The following TRPV4 variants were observed in gnomAD, a reference collection of about 807,000 sequenced individuals.
TRPV4 encodes OSM9-like transient receptor potential channel 4.
A neutral mutation model predicts 84.1 loss-of-function variants in TRPV4; 58 were observed. The observed-to-expected ratio is 0.69, with a 90% CI of 0.56 to 0.86. The LOEUF (loss-of-function observed/expected upper bound fraction) is 0.86. TRPV4 is among the 40% of genes least tolerant of loss of function. The pLI, the probability that TRPV4 is intolerant of heterozygous loss-of-function variation, is 0.00. For missense variants in TRPV4, 879 were observed against 1,181.1 expected (o/e 0.74, Z 3.75); for synonymous variants, 489 against 500.9 (o/e 0.98, Z 0.32).
rs1241029195 is a variant in TRPV4 at position 109,792,788 on chromosome 12, G to A, written c.1688C>T (p.Ser563Leu). 1 of 1,613,994 alleles carries A rather than the reference G, an allele frequency of 6.2e-7. No homozygotes were observed. Among genetic ancestry groups the A allele is most frequent in the Admixed American group, 1.7e-5 (1 of 60,020 alleles). ...YFIYSVLVIV[S>L]AALYLAGIEA... ...GATCCCTGCCAGGTAGAGGGCTGCT[G>A]AGACGATCACCAGGACAGAGTAGAT... Residue 563 changes from serine to leucine, a missense_variant, in exon 11 of 16, where the codon TCA becomes TTA. This residue lies in a region of TRPV4 where 521 missense variants were observed against 686.6 expected (regional missense o/e 0.76). Coordinates refer to ENST00000261740, the MANE Select transcript of TRPV4 (RefSeq NM_021625.5).
Position 109,815,217 on chromosome 12 carries a change from G to C in TRPV4, c.-31-390C>G, listed in dbSNP as rs906742290. On this transcript the variant is annotated intron_variant, in intron 1 of 15. Transcript: ENST00000261740. The surrounding 1 kb of genome is among the most constrained non-coding windows in gnomAD (Gnocchi z 4.1). ...CCACACTTAGTCATTCCATGACATT[G>C]AGCAAGTCGACATTTCATAGCCTCA... Among the ~76,000 whole-genome samples, 6 of 152,246 alleles carry C rather than the reference G, an allele frequency of 3.9e-5. No homozygotes were observed. Among genetic ancestry groups the C allele is most frequent in the African/African-American group, 1.4e-4 (6 of 41,462 alleles).
rs141994368 is a variant in TRPV4 at position 109,812,694 on chromosome 12, A to T, written c.386+1717T>A. On this transcript the variant is annotated intron_variant, in intron 2 of 15. Transcript: ENST00000261740. ...GGCAGGTGAGCAATCAAGCATGAGA[A>T]ATGGAATGAATGAATGAATAAATGA... Among the ~76,000 whole-genome samples the T allele has an allele frequency of 1.6e-3, 242 of 152,350 alleles. 1 individual carries two copies. The highest frequency in any genetic ancestry group is 2.8e-3 in the Non-Finnish European group (188 of 68,034).
intron 2 of TRPV4, among the ~76,000 whole-genome samples, chr12:109,812,053 G>A (rs1891553201): frequency 6.6e-6 from 1 of 152,176 alleles, no homozygotes; most frequent in South Asian, 2.1e-4. Context: ...GGAAGTCCCT[G>A]GGCTTCCTAA....
In TRPV4 at chr12:109,786,052, G is replaced by A. The variant is rs563596360; in HGVS notation, c.2336+658C>T. On this transcript the variant is annotated intron_variant, in intron 14 of 15. Coordinates refer to ENST00000261740, the MANE Select transcript of TRPV4 (RefSeq NM_021625.5). This position sits in a 1 kb window ranked among gnomAD's most constrained non-coding sequence, Gnocchi z 4.5. ...GAACTGATCGGATGGCCTAGGAGGT[G>A]GGTTCTATTATTGTTCCCATTTCAC... Among the ~76,000 whole-genome samples, 6 of 152,128 alleles carry A rather than the reference G, an allele frequency of 3.9e-5. No homozygotes were observed. The South Asian group carries it at 1.2e-3, about 32-fold the overall frequency.
rs763687579 is a variant in TRPV4 at position 109,800,681 on chromosome 12, C to T, written c.790G>A (p.Val264Ile). The T allele has an allele frequency of 1.9e-6, 3 of 1,614,192 alleles. No individual in the cohort carries two copies. Among genetic ancestry groups the T allele is most frequent in the South Asian group, 2.2e-5 (2 of 91,088 alleles). ...VELLVAQGAD[V>I]HAQARGRFFQ... ...AAGCGCCCACGGGCCTGGGCGTGGACATCAGCTCCCTGGGCCACGAGAAGT... is the reference window on the plus strand; with the variant it reads ...AAGCGCCCACGGGCCTGGGCGTGGATATCAGCTCCCTGGGCCACGAGAAGT... Residue 264 changes from valine to isoleucine, a missense_variant, in exon 5 of 16, where the codon GTC (valine) becomes ATC (isoleucine). Coordinates refer to ENST00000261740, the MANE Select transcript of TRPV4 (RefSeq NM_021625.5).
At chr12:109,819,297 T>C (rs1232013651) in intron 1 of TRPV4, among the ~76,000 whole-genome samples, 1 of 152,162 alleles carries the variant, frequency 6.6e-6, no homozygotes, top group African/African-American at 2.4e-5. Flanking sequence ...TGAGTCCACA[T>C]GTGTCTCCTC....
rs1891710415 is a variant in TRPV4, at chr12:109,814,185, G to A, written c.386+226C>T. Among the ~76,000 whole-genome samples, 1 of 151,756 alleles carries A rather than the reference G, an allele frequency of 6.6e-6. No individual in the cohort carries two copies. The highest frequency in any genetic ancestry group is 2.4e-5 in the African/African-American group (1 of 41,266). On this transcript the variant is annotated intron_variant, in intron 2 of 15. Transcript: ENST00000261740. The surrounding 1 kb of genome is among the most constrained non-coding windows in gnomAD (Gnocchi z 5.4). Reference sequence around the variant, plus strand: ...GGATTGATGGATAGATGTGTGGATGGTTGGATGGATGGACGAATAGATGGG... The same window carrying A: ...GGATTGATGGATAGATGTGTGGATGATTGGATGGATGGACGAATAGATGGG...
chr12:109,796,449 C>A lies in TRPV4; in HGVS notation c.1332+76G>T. 1 of 1,569,832 alleles carries A rather than the reference C, an allele frequency of 6.4e-7. No individual in the cohort carries two copies. Among genetic ancestry groups the A allele is most frequent in the South Asian group, 1.1e-5 (1 of 88,352 alleles). ...AGAGGCTGGGGCTGTCTCCCCCAGC[C>A]CAGCCCCAGGGCCCTGTCCCTACTC... On this transcript the variant is annotated intron_variant, in intron 7 of 15. Transcript: ENST00000261740. This position sits in a 1 kb window ranked among gnomAD's most constrained non-coding sequence, Gnocchi z 4.2.
At chr12:109,800,463 G>A (rs1292988059) in intron 5 of TRPV4, among the ~76,000 whole-genome samples, 155 bp downstream of exon 5, 1 of 152,154 alleles carries the variant, frequency 6.6e-6, no homozygotes, top group Non-Finnish European at 1.5e-5. Context: ...CAAGACCAAC[G>A]TGCAGCCTGT....
intron 1 of TRPV4, among the ~76,000 whole-genome samples, chr12:109,833,032 AGGCTCCG>A (rs907645550): frequency 2.0e-5 from 3 of 152,072 alleles, no homozygotes; most frequent in African/African-American, 7.2e-5. Flanking sequence ...GTGGGCTGCA[AGGCTCCG>A]GGCCTTTGGT....
At chr12:109,804,316 G>A (rs1890989492) in intron 3 of TRPV4, among the ~76,000 whole-genome samples, 1 of 152,124 alleles carries the variant, frequency 6.6e-6, no homozygotes. Context: ...AATCAGCCAG[G>A]GGCTCAGGAA....
chr12:109,814,298 T>G lies in TRPV4; in HGVS notation c.386+113A>C. On this transcript the variant is annotated intron_variant, in intron 2 of 15. Coordinates refer to ENST00000261740, the MANE Select transcript of TRPV4 (RefSeq NM_021625.5). The surrounding 1 kb of genome is among the most constrained non-coding windows in gnomAD (Gnocchi z 5.4). ...ATGTATGGATGGTTGGATGGACAGATGGATGGATGGATGAATCGACGGATG... is the reference window on the plus strand; with the variant it reads ...ATGTATGGATGGTTGGATGGACAGAGGGATGGATGGATGAATCGACGGATG... The G allele has an allele frequency of 1.7e-6, 2 of 1,196,458 alleles. No individual in the cohort carries two copies. The highest frequency in any genetic ancestry group is 5.1e-5 in the East Asian group (2 of 39,246). The allele number at this position is 1,196,458 out of a possible 1,614,324, so 74.1% of individuals were successfully genotyped here.
chr12:109,799,465 G>T (rs929795949), intron 5 of TRPV4, among the ~76,000 whole-genome samples: 1 of 152,128 alleles, frequency 6.6e-6, no homozygotes, highest in African/African-American at 2.4e-5. Context: ...GGAATTCTTT[G>T]TGTGACTTTG....
chr12:109,813,166 CT>C (rs770867634), intron 2 of TRPV4, among the ~76,000 whole-genome samples: 41 of 152,182 alleles, frequency 2.7e-4, no homozygotes, highest in Non-Finnish European at 4.4e-5. Context: ...AATCCCAGCA[CT>C]TTGGGAGGCC....
chr12:109,828,853 C>G (rs1322666628), intron 1 of TRPV4, among the ~76,000 whole-genome samples: 1 of 152,082 alleles, frequency 6.6e-6, no homozygotes, highest in African/African-American at 2.4e-5. Context: ...TGGGGCTCAG[C>G]ATTCCTGCCC....
Position 109,794,338 on chromosome 12 carries a change from C to T in TRPV4, c.1482G>A (p.Leu494=), listed in dbSNP as rs143722984. ...GTCCCCGGGCACTCACTGTGCCCTC[C>T]AGCGGCTGGTAGTAGGCGGTGAGAG... ...IFTLTAYYQP[L]EGTPPYPYRT... The change falls in exon 8 of 16, where the codon CTG becomes CTA. Residue 494 remains leucine, a synonymous_variant. Coordinates refer to ENST00000261740, the MANE Select transcript of TRPV4 (RefSeq NM_021625.5). The T allele has an allele frequency of 2.5e-6, 4 of 1,612,050 alleles. No individual in the cohort carries two copies. The highest frequency in any genetic ancestry group is 3.4e-6 in the Non-Finnish European group (4 of 1,180,032).
chr12:109,783,729 C>A lies in TRPV4; in HGVS notation c.2508G>T (p.Ser836=), dbSNP rs201884175. 6.8e-6 allele frequency: 11 copies of A among 1,613,548 alleles called. No homozygotes were observed. Among genetic ancestry groups the A allele is most frequent in the South Asian group, 2.2e-5 (2 of 91,070 alleles). The change falls in exon 16 of 16, where the codon TCG becomes TCT. Residue 836 remains serine (S), a synonymous_variant. Transcript: ENST00000261740. This position sits in a 1 kb window ranked among gnomAD's most constrained non-coding sequence, Gnocchi z 4.6. ...GAGGCACCACCACCTCGTCCGGGTT[C>A]GAGTTCTTGTTCAGTTCCACCACGC... The part of the protein sequence containing the change: ...VPRVVELNKN[S]NPDEVVVPLD...
intron 2 of TRPV4, among the ~76,000 whole-genome samples, chr12:109,811,788 C>T (rs968970541): frequency 6.6e-6 from 1 of 151,846 alleles, no homozygotes; most frequent in African/African-American, 2.4e-5. Context: ...GAATCTGTGG[C>T]CAGCAGGGGG....
rs147773567 is a variant in TRPV4 at position 109,809,168 on chromosome 12, A to T, written c.387-700T>A. The stretch of plus-strand genomic sequence containing the variant: ...TTCATCACTCATCCATCCATCACTC[A>T]TCCATCCATCCACCCATCCATCCAC... On this transcript the variant is annotated intron_variant, in intron 2 of 15. Coordinates refer to ENST00000261740, the MANE Select transcript of TRPV4 (RefSeq NM_021625.5). Among the ~76,000 whole-genome samples the T allele has an allele frequency of 8.5e-5, 12 of 141,380 alleles. No individual in the cohort carries two copies. The East Asian group carries it at 2.6e-3, about 31-fold the overall frequency. The allele number at this position is 141,380 out of a possible 152,430, so 92.8% of individuals were successfully genotyped here. A position where few individuals can be genotyped will look rare whatever the true frequency, so the allele number is the denominator to read the frequency against.
Sources: gnomAD v4.1 joint callset for allele counts (sites outside exome capture counted in the v4.1 genomes callset) on GRCh38, gnomAD v4.1.1 for gene constraint, gnomAD v4.1.1 regional missense constraint, Gnocchi (gnomAD v3.1) non-coding constraint, MANE v1.5 for transcripts, NCBI Gene and HGNC (gene_info 2026-07-23, HGNC 2026-07-21) for gene names.